Variants in MBP observed in about 807,000 individuals in gnomAD.
MBP encodes the protein Golli-MBP.
Under a neutral mutation model 35.8 loss-of-function variants are expected in MBP, and 16 were observed. The observed-to-expected ratio is 0.45, with a 90% CI of 0.30 to 0.68. MBP has a LOEUF of 0.68. MBP is among the 30% of genes least tolerant of loss of function. MBP has a pLI of 0.08. For missense variants in MBP, 380 were observed against 404.7 expected (o/e 0.94, Z 0.52); for synonymous variants, 143 against 159.6 (o/e 0.90, Z 0.78).
chr18:76,990,156 GA>G, intron 4 of MBP, 96 bp from the exon 5 acceptor site: 1 of 707,212 alleles, frequency 1.4e-6, no homozygotes, highest in Non-Finnish European at 2.3e-6. Context: ...TTGTAATCTG[GA>G]TTTTTTTTTT....
At chr18:76,985,689 A>G (rs11876196) in intron 7 of MBP, 58,243 of 1,036,348 alleles carry the variant, frequency 0.056, 2,265 homozygotes, top group African/African-American at 0.18. Context: ...CCAGTCCCCT[A>G]GCACCTTTCT....
intron 2 of MBP, among the ~76,000 whole-genome samples, chr18:77,080,073 C>T (rs915484353): frequency 1.3e-5 from 2 of 152,108 alleles, no homozygotes; most frequent in African/African-American, 4.8e-5. Context: ...AGTATCAGCC[C>T]AGGAATAAAC....
In MBP at chr18:76,988,059, A is replaced by G. The variant is rs1283967723; in HGVS notation, c.750+436T>C. 1 of 1,436,566 alleles carries G rather than the reference A, an allele frequency of 7.0e-7. No individual in the cohort carries two copies. Among genetic ancestry groups the G allele is most frequent in the African/African-American group, 1.4e-5 (1 of 70,018 alleles). The allele number at this position is 1,436,566 out of a possible 1,614,324, so 89.0% of individuals were successfully genotyped here. A position where few individuals can be genotyped will look rare whatever the true frequency, so the allele number is the denominator to read the frequency against. On this transcript the variant is annotated intron_variant, in intron 7 of 8. Transcript: ENST00000355994. This position sits in a 1 kb window ranked among gnomAD's most constrained non-coding sequence, Gnocchi z 5.2. Reference sequence around the variant, plus strand: ...TTAGCCTCTTTTTCTGTTCATCAGCAGAATCATTTTCCCAGTGTCAGCATC... The same window carrying G: ...TTAGCCTCTTTTTCTGTTCATCAGCGGAATCATTTTCCCAGTGTCAGCATC...
intron 2 of MBP, among the ~76,000 whole-genome samples, chr18:77,068,123 A>G (rs1974279969): frequency 6.6e-6 from 1 of 152,106 alleles, no homozygotes; most frequent in Non-Finnish European, 1.5e-5. Flanking sequence ...TGTTTACGGC[A>G]TTGTTTCTAC....
At chr18:77,079,574 T>G (rs889770220) in intron 2 of MBP, among the ~76,000 whole-genome samples, 1 of 152,216 alleles carries the variant, frequency 6.6e-6, no homozygotes, top group South Asian at 2.1e-4. Context: ...GGAAGAAGAA[T>G]AATAAATATT....
At chr18:76,997,936 C>T (rs1266945537) in intron 4 of MBP, among the ~76,000 whole-genome samples, 1 of 152,074 alleles carries the variant, frequency 6.6e-6, no homozygotes, top group Non-Finnish European at 1.5e-5. Flanking sequence ...CCCGCCTCGG[C>T]CTCCCAAAGT....
rs1204624947 is a variant in MBP, at chr18:76,984,817, C to T, written c.828G>A (p.Lys276=). Residue 276 remains lysine, a synonymous_variant, in exon 8 of 9, where the codon AAG becomes AAA. Coordinates refer to ENST00000355994, the MANE Select transcript of MBP (RefSeq NM_001025101.2). The part of the protein sequence containing the change: ...SDYKSAHKGF[K]GVDAQGTLSK... ...AAAGCGTGCCCTGGGCATCGACTCC[C>T]TTGAATCCCTTGTGAGCCGATTTAT... 1 of 1,614,120 alleles carries T rather than the reference C, an allele frequency of 6.2e-7. No individual in the cohort carries two copies. Among genetic ancestry groups the T allele is most frequent in the Admixed American group, 1.7e-5 (1 of 60,034 alleles).
At chr18:76,997,884 G>A (rs980893044) in intron 4 of MBP, among the ~76,000 whole-genome samples, 13 of 152,142 alleles carry the variant, frequency 8.5e-5, no homozygotes, top group South Asian at 2.1e-4. Context: ...GGGTTTCACT[G>A]TGTTAGCCAG....
intron 1 of MBP, among the ~76,000 whole-genome samples, chr18:77,130,980 C>T (rs1977223802): frequency 6.8e-6 from 1 of 146,820 alleles, no homozygotes; most frequent in Admixed American, 6.8e-5. Flanking sequence ...GCATTTACAG[C>T]AATTTTTAAC....
chr18:77,098,999 C>T (rs943041408), intron 2 of MBP, among the ~76,000 whole-genome samples: 2 of 151,852 alleles, frequency 1.3e-5, no homozygotes, highest in African/African-American at 4.8e-5. Flanking sequence ...CCTCTCCATC[C>T]TCCCCGTCAT....
In MBP at chr18:77,029,491, CT is replaced by C. The variant is rs1365339000; in HGVS notation, c.140-12224del. Among the ~76,000 whole-genome samples the C allele has an allele frequency of 2.7e-5, 4 of 145,738 alleles. No individual in the cohort carries two copies. In the East Asian group the frequency reaches 8.6e-4, roughly 31 times the overall value. ...GAGGGACCCCAGCTAATTTTTTAAA[CT>C]TTTTGCAGAGATGGGGTCTTGCCAC... On this transcript the variant is annotated intron_variant, in intron 3 of 8. Coordinates refer to ENST00000355994, the MANE Select transcript of MBP (RefSeq NM_001025101.2).
chr18:77,040,575 C>A (rs1402196696), intron 3 of MBP, among the ~76,000 whole-genome samples: 1 of 152,132 alleles, frequency 6.6e-6, no homozygotes, highest in African/African-American at 2.4e-5. Flanking sequence ...ACTGGTACCA[C>A]AACAGATATG....
chr18:77,131,047 CCTCAAAAAACAAA>C lies in MBP; in HGVS notation c.-26+1520_-26+1532del, dbSNP rs1568354730. Among the ~76,000 whole-genome samples, 10 of 146,932 alleles carry C rather than the reference CCTCAAAAAACAAA, an allele frequency of 6.8e-5. No individual in the cohort carries two copies. Among genetic ancestry groups the C allele is most frequent in the Middle Eastern group, 3.2e-3 (1 of 316 alleles). Reference sequence around the variant, plus strand: ...CCACAAAAAAAAAAAAAAAACAAAACCTCAAAAAACAAAACACACACACGCGCGCACGCACGCG... The same window carrying C: ...CCACAAAAAAAAAAAAAAAACAAAACACACACACACGCGCGCACGCACGCG... On this transcript the variant is annotated intron_variant, in intron 1 of 8. Transcript: ENST00000355994. This position sits in a 1 kb window ranked among gnomAD's most constrained non-coding sequence, Gnocchi z 5.5.
chr18:77,132,822 C>T (rs1386381818), upstream of MBP: 1 of 151,994 alleles, frequency 6.6e-6, no homozygotes, highest in Non-Finnish European at 1.5e-5. Context: ...GCACCCAGCT[C>T]CCCGGCCCCG....
intron 3 of MBP, among the ~76,000 whole-genome samples, chr18:77,034,383 G>T (rs186959488): frequency 6.6e-6 from 1 of 152,108 alleles, no homozygotes; most frequent in African/African-American, 2.4e-5. Context: ...GAGCCTGGCC[G>T]CTGACTCCTT....
chr18:77,000,265 G>A (rs996560894), intron 4 of MBP, among the ~76,000 whole-genome samples: 13 of 152,302 alleles, frequency 8.5e-5, no homozygotes, highest in Admixed American at 7.8e-4. Context: ...ACACTTTGAT[G>A]AGCACATTGT....
chr18:77,066,642 T>G (rs1974211703), intron 2 of MBP: 1 of 687,424 alleles, frequency 1.5e-6, no homozygotes. Context: ...AAAATTGGAA[T>G]ATCAGCCTAG....
intron 3 of MBP, among the ~76,000 whole-genome samples, chr18:77,058,250 G>GGGGATGCC (rs1973822212): frequency 6.6e-6 from 1 of 152,092 alleles, no homozygotes; most frequent in Non-Finnish European, 1.5e-5. Flanking sequence ...GCGGGGATGC[G>GGGGATGCC]GGGATGCCGA....
intron 1 of MBP, among the ~76,000 whole-genome samples, chr18:77,119,950 G>A (rs1174076219): frequency 1.3e-5 from 2 of 152,222 alleles, no homozygotes; most frequent in Non-Finnish European, 2.9e-5. Context: ...CCTGGGCGCA[G>A]TGGGAGCAGC....
Sources: allele counts gnomAD v4.1 joint callset (sites outside exome capture counted in the v4.1 genomes callset), GRCh38; gene constraint gnomAD v4.1.1; non-coding constraint Gnocchi (gnomAD v3.1); transcripts MANE v1.5; gene names NCBI Gene and HGNC (gene_info 2026-07-23, HGNC 2026-07-21).